The following PIK3R5 variants were observed in gnomAD, a reference collection of about 807,000 sequenced individuals.
The protein encoded by PIK3R5 is phosphoinositide-3-kinase regulatory subunit 5, also known as phosphoinositide 3-kinase regulatory subunit 5.
In PIK3R5, 32 loss-of-function variants were observed where a neutral mutation model predicts 94.9. The ratio of observed to expected loss-of-function variants is 0.34; its 90% CI spans 0.25 to 0.45. The LOEUF is 0.45. Among genes scored for constraint, PIK3R5 ranks in the 20% least tolerant of loss-of-function variants. The pLI is 1.00. For missense variants in PIK3R5, 853 were observed against 1,144.6 expected, an observed-to-expected ratio of 0.75 and a Z score of 3.68; for synonymous variants, 443 against 479.4, an observed-to-expected ratio of 0.92 and a Z score of 0.99.
intron 1 of PIK3R5, among the ~76,000 whole-genome samples, chr17:8,947,482 G>T (rs1417147324): frequency 6.6e-6 from 1 of 152,082 alleles, no homozygotes; most frequent in Non-Finnish European, 1.5e-5. Context: ...CTATCCAAGG[G>T]GCTGGGAATT....
rs1362475526 is a variant in PIK3R5 at position 8,925,465 on chromosome 17, G to T, written c.-13-13958C>A. Reference sequence around the variant, plus strand: ...ATAGTAGATGGATAGATAGTAGATGGATGATAGATAGATAGTAGATGGATA... The same window carrying T: ...ATAGTAGATGGATAGATAGTAGATGTATGATAGATAGATAGTAGATGGATA... On this transcript the variant is annotated intron_variant, in intron 1 of 18. Coordinates refer to ENST00000447110, the MANE Select transcript of PIK3R5 (RefSeq NM_001142633.3). The surrounding 1 kb of genome is among the most constrained non-coding windows in gnomAD (Gnocchi z 5.1). 6.8e-6 allele frequency among the ~76,000 whole-genome samples: 1 copy of T among 148,116 alleles called. No individual in the cohort carries two copies.
chr17:8,883,880 G>A (rs770096356), intron 15 of PIK3R5, among the ~76,000 whole-genome samples: 1 of 152,178 alleles, frequency 6.6e-6, no homozygotes, highest in African/African-American at 2.4e-5. Context: ...TGTGGAAGAC[G>A]TCTAGCAAGC....
At position 8,964,585 on chromosome 17, in the gene PIK3R5, G is replaced by A. The variant is rs563700455; in HGVS notation, c.-14+1011C>T. 6.6e-5 allele frequency among the ~76,000 whole-genome samples: 10 copies of A among 152,232 alleles called. No individual in the cohort carries two copies. The East Asian group carries it at 1.9e-3, about 29-fold the overall frequency. ...CAACGGCTTCAGCATCATCACTTAA[G>A]GAGCTCATTCAAAGTTTTGAAAACT... On this transcript the variant is annotated intron_variant, in intron 1 of 18. Transcript: ENST00000447110.
chr17:8,935,044 T>C lies in PIK3R5; in HGVS notation c.-13-23537A>G, dbSNP rs567060766. 6.6e-5 allele frequency among the ~76,000 whole-genome samples: 10 copies of C among 152,306 alleles called. No individual in the cohort carries two copies. Among genetic ancestry groups the C allele is most frequent in the South Asian group, 2.1e-4 (1 of 4,830 alleles). On this transcript the variant is annotated intron_variant, in intron 1 of 18. Coordinates refer to ENST00000447110, the MANE Select transcript of PIK3R5 (RefSeq NM_001142633.3). The surrounding 1 kb of genome is among the most constrained non-coding windows in gnomAD (Gnocchi z 4.5). ...CCTGTTTCTGATGTGGATCTTAATA[T>C]GCATTCTTCTGTCTTCCATTTCCAG... is the stretch of plus-strand genomic sequence containing the variant.
intron 1 of PIK3R5, among the ~76,000 whole-genome samples, chr17:8,957,851 C>T (rs1436098745): frequency 1.3e-5 from 2 of 152,116 alleles, no homozygotes; most frequent in African/African-American, 4.8e-5. Flanking sequence ...AGACTGGAGC[C>T]GTTCTCCCAG....
At chr17:8,917,592 A>T (rs893272444) in intron 1 of PIK3R5, among the ~76,000 whole-genome samples, 2 of 152,218 alleles carry the variant, frequency 1.3e-5, no homozygotes, top group Non-Finnish European at 2.9e-5. Context: ...GGGGCCGGGC[A>T]TGGTGACTCA....
At chr17:8,951,674 CT>C (rs1418763943) in intron 1 of PIK3R5, among the ~76,000 whole-genome samples, 1 of 152,020 alleles carries the variant, frequency 6.6e-6, no homozygotes, top group Non-Finnish European at 1.5e-5. Context: ...TTAGTTTGAC[CT>C]TTTGGTGTAG....
intron 1 of PIK3R5, among the ~76,000 whole-genome samples, chr17:8,915,428 A>T (rs1035788284): frequency 6.6e-6 from 1 of 151,716 alleles, no homozygotes; most frequent in Non-Finnish European, 1.5e-5. Context: ...AAAAAAAAAA[A>T]AGAAAATCTA....
At position 8,911,612 on chromosome 17, in the gene PIK3R5, C is replaced by G; in HGVS notation, c.-13-105G>C. The G allele has an allele frequency of 5.7e-6, 4 of 705,238 alleles. No homozygotes were observed. Among genetic ancestry groups the G allele is most frequent in the Non-Finnish European group, 9.6e-6 (4 of 418,842 alleles). The allele number at this position is 705,238 out of a possible 1,614,324, so 43.7% of individuals were successfully genotyped here. On this transcript the variant is annotated intron_variant, in intron 1 of 18. Transcript: ENST00000447110. This position sits in a 1 kb window ranked among gnomAD's most constrained non-coding sequence, Gnocchi z 5.3. ...TCACAGTGCAGCGCGATCAGCCCAG[C>G]CCAGCTATAGCTCAGGTGCTGTGGA...
At position 8,881,231 on chromosome 17, in the gene PIK3R5, G is replaced by A. The variant is rs1398907647; in HGVS notation, c.2383-214C>T. ...CCTCTCCAGCATCTGGAAGAAGCAA[G>A]TGCCCCCTGAGGAGACATTGCCCTG... On this transcript the variant is annotated intron_variant, in intron 17 of 18. Transcript: ENST00000447110. The surrounding 1 kb of genome is among the most constrained non-coding windows in gnomAD (Gnocchi z 4.8). Among the ~76,000 whole-genome samples the A allele has an allele frequency of 2.0e-5, 3 of 152,226 alleles. No homozygotes were observed. The highest frequency in any genetic ancestry group is 2.0e-4 in the Admixed American group (3 of 15,286).
At chr17:8,921,940 ACT>A (rs1428288683) in intron 1 of PIK3R5, among the ~76,000 whole-genome samples, 1 of 152,190 alleles carries the variant, frequency 6.6e-6, no homozygotes, top group Non-Finnish European at 1.5e-5. Flanking sequence ...AAAATTTAAA[ACT>A]CTGTGCATTA....
In PIK3R5 at chr17:8,904,014, A is replaced by G. The variant is rs2090345823; in HGVS notation, c.412+763T>C. On this transcript the variant is annotated intron_variant, in intron 5 of 18. Coordinates refer to ENST00000447110, the MANE Select transcript of PIK3R5 (RefSeq NM_001142633.3). The surrounding 1 kb of genome is among the most constrained non-coding windows in gnomAD (Gnocchi z 5.1). ...CTTGGGCTGTTGCCATATTAAAAGCACTTCTAGAGTAATCGTTTCCATATA... is the reference window on the plus strand; with the variant it reads ...CTTGGGCTGTTGCCATATTAAAAGCGCTTCTAGAGTAATCGTTTCCATATA... Among the ~76,000 whole-genome samples the G allele has an allele frequency of 6.6e-6, 1 of 152,240 alleles. No homozygotes were observed. Among genetic ancestry groups the G allele is most frequent in the South Asian group, 2.1e-4 (1 of 4,834 alleles).
chr17:8,903,293 T>C (rs1026724108), intron 5 of PIK3R5, among the ~76,000 whole-genome samples: 1 of 151,712 alleles, frequency 6.6e-6, no homozygotes. Context: ...TTTCTAGATA[T>C]TACATCTTCT....
rs2091457060 is a variant in PIK3R5, at chr17:8,955,779, G to C, written c.-14+9817C>G. ...TCGGAGATGAGTCCAAGGTTTCAAG[G>C]CTGGGAGTCTGGTTTCAGCAGAGAC... On this transcript the variant is annotated intron_variant, in intron 1 of 18. Transcript: ENST00000447110. The surrounding 1 kb of genome is among the most constrained non-coding windows in gnomAD (Gnocchi z 4.4). 6.6e-6 allele frequency among the ~76,000 whole-genome samples: 1 copy of C among 152,192 alleles called. No individual in the cohort carries two copies. The highest frequency in any genetic ancestry group is 2.4e-5 in the African/African-American group (1 of 41,442).
At position 8,961,349 on chromosome 17, in the gene PIK3R5, C is replaced by T. The variant is rs1172014504; in HGVS notation, c.-14+4247G>A. 6.6e-5 allele frequency among the ~76,000 whole-genome samples: 10 copies of T among 152,152 alleles called. No homozygotes were observed. The East Asian group carries it at 1.3e-3, about 21-fold the overall frequency. On this transcript the variant is annotated intron_variant, in intron 1 of 18. Transcript: ENST00000447110. ...GCGTTTTCAGCTGAAAAGTGACTCA[C>T]GCAGGCCGGGCGCGGTTGCTCACAC... is the stretch of plus-strand genomic sequence containing the variant.
At chr17:8,902,131 A>G (rs527720053) in intron 5 of PIK3R5, among the ~76,000 whole-genome samples, 1 of 145,456 alleles carries the variant, frequency 6.9e-6, no homozygotes, top group East Asian at 2.0e-4. Context: ...GTGAGGGTGA[A>G]TATTTTGGGG....
In PIK3R5 at chr17:8,911,751, G is replaced by GT; in HGVS notation, c.-13-245dup. 1 of 413,022 alleles carries GT rather than the reference G, an allele frequency of 2.4e-6. No individual in the cohort carries two copies. Among genetic ancestry groups the GT allele is most frequent in the East Asian group, 4.3e-5 (1 of 23,358 alleles). 25.6% of individuals were successfully genotyped at this position (413,022 alleles called of 1,614,324 possible). A position where few individuals can be genotyped will look rare whatever the true frequency, so the allele number is the denominator to read the frequency against. On this transcript the variant is annotated intron_variant, in intron 1 of 18. Coordinates refer to ENST00000447110, the MANE Select transcript of PIK3R5 (RefSeq NM_001142633.3). The surrounding 1 kb of genome is among the most constrained non-coding windows in gnomAD (Gnocchi z 5.3). Reference sequence around the variant, plus strand: ...GCAGAACGGGACAGAGGTGTGGGAAGTAAGGGGTCAGGAATGGGAGCAGAG... The same window carrying GT: ...GCAGAACGGGACAGAGGTGTGGGAAGTTAAGGGGTCAGGAATGGGAGCAGAG...
rs559917233 is a variant in PIK3R5, at chr17:8,922,856, T to G, written c.-13-11349A>C. Among the ~76,000 whole-genome samples, 184 of 152,160 alleles carry G rather than the reference T, an allele frequency of 1.2e-3. 1 individual carries two copies. Among genetic ancestry groups the G allele is most frequent in the African/African-American group, 3.9e-3 (163 of 41,482 alleles). On this transcript the variant is annotated intron_variant, in intron 1 of 18. Transcript: ENST00000447110. ...TGTGAAAAGGTAGGTGGACATGGTG[T>G]GGAGGTCCAGGGAAGGCAGAAGATG...
chr17:8,915,413 C>CAA (rs201916256), intron 1 of PIK3R5, among the ~76,000 whole-genome samples: 59 of 104,012 alleles, frequency 5.7e-4, no homozygotes, highest in African/African-American at 1.4e-3. Flanking sequence ...GACTCTGTCT[C>CAA]AAAAAAAAAA....
Sources: allele counts gnomAD v4.1 joint callset (sites outside exome capture counted in the v4.1 genomes callset), GRCh38; gene constraint gnomAD v4.1.1; non-coding constraint Gnocchi (gnomAD v3.1); transcripts MANE v1.5; gene names NCBI Gene and HGNC (gene_info 2026-07-23, HGNC 2026-07-21).